Variants in EMCN observed in about 807,000 individuals in gnomAD.
EMCN encodes endomucin, also known as MUC-14.
EMCN carries 37 observed loss-of-function variants against 38.4 expected under a neutral mutation model. The ratio of observed to expected loss-of-function variants is 0.96; its 90% confidence interval spans 0.74 to 1.27. The LOEUF (loss-of-function observed/expected upper bound fraction) is 1.27. Among genes scored for constraint, EMCN ranks in the 50% most tolerant of loss-of-function variants. The pLI is 0.00. For synonymous variants in EMCN, 95 were observed against 100.8 expected (o/e 0.94, Z 0.35); for missense variants, 318 against 302.8 (o/e 1.05, Z -0.37).
intron 4 of EMCN, among the ~76,000 whole-genome samples, chr4:100,457,391 A>G (rs1728049095): frequency 6.6e-6 from 1 of 152,156 alleles, no homozygotes; most frequent in African/African-American, 2.4e-5. Flanking sequence ...GCTTTGTAGG[A>G]AAAGCTTTCA....
At chr4:100,500,408 T>C (rs1468002358) in intron 1 of EMCN, among the ~76,000 whole-genome samples, 1 of 152,056 alleles carries the variant, frequency 6.6e-6, no homozygotes. Context: ...ACATAATGAA[T>C]AAATCTTAGC....
At position 100,410,289 on chromosome 4, in the gene EMCN, T is replaced by A; in HGVS notation, c.*32A>T. On this transcript the variant is annotated 3_prime_UTR_variant, in exon 11 of 12. Coordinates refer to ENST00000296420, the MANE Select transcript of EMCN (RefSeq NM_016242.4). ...TGAAATTGGGAAACTTACGTAATTA[T>A]TGCCTAGGTGTGGAGAGAATTCCTC... 1 of 1,606,040 alleles carries A rather than the reference T, an allele frequency of 6.2e-7. No homozygotes were observed. The highest frequency in any genetic ancestry group is 8.5e-7 in the Non-Finnish European group (1 of 1,172,746).
Position 100,445,952 on chromosome 4 carries a change from G to A in EMCN, c.415+1581C>T, listed in dbSNP as rs553005395. The stretch of plus-strand genomic sequence containing the variant: ...TTAGGAAAATTAGTTTACATAACTC[G>A]AAAAATAAAAATAGCCTAAATGAGC... On this transcript the variant is annotated intron_variant, in intron 5 of 11. Transcript: ENST00000296420. The A allele has an allele frequency of 1.7e-4, 102 of 599,224 alleles. No homozygotes were observed. The South Asian group carries it at 2.6e-3, about 15-fold the overall frequency. The allele number at this position is 599,224 out of a possible 1,614,324, so 37.1% of individuals were successfully genotyped here.
rs184009956 is a variant in EMCN, at chr4:100,465,458, T to G, written c.341A>C (p.Asn114Thr). 8.1e-5 allele frequency: 131 copies of G among 1,608,260 alleles called. No homozygotes were observed. Among genetic ancestry groups the G allele is most frequent in the Non-Finnish European group, 5.2e-5 (61 of 1,176,012 alleles). Residue 114 changes from asparagine (N) to threonine (T), a missense_variant, in exon 4 of 12, where the codon AAT becomes ACT. Asn to Thr is a moderately conservative substitution (Grantham distance 65, BLOSUM62 0). Transcript: ENST00000296420. Reference protein sequence around the residue: ...NVTVTSVTLPNAVSTLQSSKP... With the variant: ...NVTVTSVTLPTAVSTLQSSKP... The stretch of plus-strand genomic sequence containing the variant: ...GGAACTTTGTAATGTTGAAACAGCA[T>G]TTGGAAGTGTAACACTTGTTACTGT...
At chr4:100,481,530 C>T (rs542511731) in intron 1 of EMCN, among the ~76,000 whole-genome samples, 1 of 152,170 alleles carries the variant, frequency 6.6e-6, no homozygotes, top group African/African-American at 2.4e-5. Flanking sequence ...GCTTTTTTCA[C>T]CTCTGGAGGT....
chr4:100,468,788 T>C (rs1267445521), intron 3 of EMCN, among the ~76,000 whole-genome samples: 1 of 151,938 alleles, frequency 6.6e-6, no homozygotes, highest in Non-Finnish European at 1.5e-5. Context: ...TGGATTAAAA[T>C]AATTAATATT....
chr4:100,421,445 G>A (rs1726885626), intron 7 of EMCN, 68 bp from the exon 8 acceptor site: 19 of 1,218,322 alleles, frequency 1.6e-5, no homozygotes, highest in Non-Finnish European at 2.3e-5. Flanking sequence ...TTTGGTAAGT[G>A]AGCCAAAGCA....
At chr4:100,451,138 A>G (rs1166171873) in intron 4 of EMCN, among the ~76,000 whole-genome samples, 1 of 151,888 alleles carries the variant, frequency 6.6e-6, no homozygotes, top group Non-Finnish European at 1.5e-5. Flanking sequence ...TTATTTACAT[A>G]GTAGTGATTT....
chr4:100,410,000 G>T (rs531741120), intron 11 of EMCN, among the ~76,000 whole-genome samples: 1 of 152,320 alleles, frequency 6.6e-6, no homozygotes, highest in African/African-American at 2.4e-5. Flanking sequence ...TAGGTAGGCA[G>T]ACTGAATTTA....
rs112827420 is a variant in EMCN at position 100,458,113 on chromosome 4, C to CA, written c.376+7309dup. 1.8e-3 allele frequency among the ~76,000 whole-genome samples: 244 copies of CA among 137,700 alleles called. 3 individuals carry two copies. Among genetic ancestry groups the CA allele is most frequent in the South Asian group, 6.4e-3 (28 of 4,368 alleles). The allele number at this position is 137,700 out of a possible 152,430, so 90.3% of individuals were successfully genotyped here. On this transcript the variant is annotated intron_variant, in intron 4 of 11. Transcript: ENST00000296420. ...CCTGGGCAACAGGGCAAGACCCTGT[C>CA]AAAAAAAAAAAAGTGTTTCCTTCTC...
chr4:100,442,884 C>T (rs1560616635), intron 5 of EMCN, among the ~76,000 whole-genome samples: 1 of 152,178 alleles, frequency 6.6e-6, no homozygotes, highest in Non-Finnish European at 1.5e-5. Context: ...AAGTCTCACT[C>T]TGTCACCCAG....
intron 11 of EMCN, among the ~76,000 whole-genome samples, chr4:100,400,604 C>T (rs1485176529): frequency 6.6e-6 from 1 of 152,158 alleles, no homozygotes; most frequent in Non-Finnish European, 1.5e-5. Flanking sequence ...GGATTAAGGT[C>T]TGCCACTTTT....
At chr4:100,510,158 C>G (rs564961836) in intron 1 of EMCN, among the ~76,000 whole-genome samples, 1 of 152,270 alleles carries the variant, frequency 6.6e-6, no homozygotes, top group East Asian at 1.9e-4. Context: ...ACACTCAATA[C>G]TTTATGAGAG....
intron 4 of EMCN, among the ~76,000 whole-genome samples, chr4:100,458,622 G>A (rs1728082448): frequency 6.6e-6 from 1 of 151,912 alleles, no homozygotes; most frequent in African/African-American, 2.4e-5. Flanking sequence ...GGATGTGGGG[G>A]CAATTCAATG....
chr4:100,466,225 C>G (rs1728312758), intron 3 of EMCN, among the ~76,000 whole-genome samples: 1 of 152,120 alleles, frequency 6.6e-6, no homozygotes, highest in Admixed American at 6.6e-5. Context: ...TTTTTTCAGT[C>G]TAATGTGGAA....
chr4:100,420,283 A>G (rs1726851782), intron 8 of EMCN, among the ~76,000 whole-genome samples: 2 of 152,076 alleles, frequency 1.3e-5, no homozygotes, highest in Non-Finnish European at 2.9e-5. Flanking sequence ...CCAAATCTGT[A>G]GTAATACAAT....
At chr4:100,492,814 AGG>A (rs1242594652) in intron 1 of EMCN, among the ~76,000 whole-genome samples, 1 of 152,152 alleles carries the variant, frequency 6.6e-6, no homozygotes, top group Non-Finnish European at 1.5e-5. Context: ...AAAAAAAGCA[AGG>A]GGTGGTGTAG....
chr4:100,423,830 G>A (rs1206029332), intron 5 of EMCN, among the ~76,000 whole-genome samples: 2 of 152,020 alleles, frequency 1.3e-5, no homozygotes, highest in East Asian at 3.9e-4. Context: ...CAGATTTTAT[G>A]TATTTATCAG....
At chr4:100,483,234 G>C (rs1728858065) in intron 1 of EMCN, 1 of 152,044 alleles carries the variant, frequency 6.6e-6, no homozygotes, top group Non-Finnish European at 1.5e-5. Context: ...AGCACACTGA[G>C]GCTCAAAAAG....
Sources: allele counts gnomAD v4.1 joint callset (sites outside exome capture counted in the v4.1 genomes callset), GRCh38; gene constraint gnomAD v4.1.1; transcripts MANE v1.5; gene names NCBI Gene and HGNC (gene_info 2026-07-23, HGNC 2026-07-21).